Variants in TEP1 observed in about 807,000 individuals in gnomAD.
TEP1 encodes telomerase associated protein 1, also known as telomerase protein component 1.
TEP1 carries 241 observed loss-of-function variants against 306.3 expected under a neutral mutation model. That is an observed-to-expected ratio of 0.79 (90% CI 0.71 to 0.88). The LOEUF (loss-of-function observed/expected upper bound fraction) is 0.88, where lower values mean the gene tolerates loss of function less well. TEP1 is among the 40% of genes least tolerant of loss of function. The probability of loss-of-function intolerance (pLI) is 0.00; values close to 1 mark genes in which losing one functional copy is unlikely to be tolerated. For missense variants in TEP1, 3,051 were observed against 3,276.1 expected, an observed-to-expected ratio of 0.93 and a Z score of 1.68; for synonymous variants, 1,289 against 1,305.5, an observed-to-expected ratio of 0.99 and a Z score of 0.27.
chr14:20,396,516 A>C (rs1594362336), intron 10 of TEP1, 105 bp downstream of exon 10: 2 of 875,114 alleles, frequency 2.3e-6, no homozygotes, highest in Non-Finnish European at 3.5e-6. Context: ...TGAGGGCCGT[A>C]CCTGCCTCTG....
At chr14:20,400,497 C>CA (rs71108598) in intron 9 of TEP1, among the ~76,000 whole-genome samples, 902 of 85,108 alleles carry the variant, frequency 0.011, 3 homozygotes, top group Admixed American at 0.02. Context: ...AAAAGTAGAC[C>CA]AAAAAAAAAA....
Position 20,369,350 on chromosome 14 carries a change from A to C in TEP1, c.7650T>G (p.Arg2550=), listed in dbSNP as rs1302761270. Residue 2550 remains arginine, a synonymous_variant, in exon 53 of 55, where the codon CGT becomes CGG. Coordinates refer to ENST00000262715, the MANE Select transcript of TEP1 (RefSeq NM_007110.5). The stretch of plus-strand genomic sequence containing the variant: ...ACCCTTCCTTCAAACTCACCTTTCT[A>C]CGCTGCCGTGTCTTTAGATGTGGTG... ...EPTPHLKTRQ[R]RKIHSGSVTA... 6 of 1,613,756 alleles carry C rather than the reference A, an allele frequency of 3.7e-6. No individual in the cohort carries two copies. Among genetic ancestry groups the C allele is most frequent in the Non-Finnish European group, 5.1e-6 (6 of 1,179,974 alleles).
chr14:20,394,573 G>A (rs1002327045), intron 12 of TEP1, among the ~76,000 whole-genome samples: 33 of 143,724 alleles, frequency 2.3e-4, no homozygotes, highest in Admixed American at 5.2e-4. Flanking sequence ...TCCGCCTCCC[G>A]GGTTCAAGTG....
At chr14:20,378,713 G>A (rs879517347) in intron 37 of TEP1, 41 bp downstream of exon 37, 3 of 1,603,564 alleles carry the variant, frequency 1.9e-6, no homozygotes, top group South Asian at 1.1e-5. Context: ...GGTGAGTCAT[G>A]GCTCAGGGCC....
At chr14:20,373,607 C>G (rs1425956556) in intron 45 of TEP1, 24 bp from the exon 46 acceptor site, 1 of 1,614,150 alleles carries the variant, frequency 6.2e-7, no homozygotes, top group South Asian at 1.1e-5. Context: ...GAGACTGAGT[C>G]AGAAGAAGGG....
chr14:20,403,463 G>T lies in TEP1; in HGVS notation c.1195-15C>A. On this transcript the variant is annotated splice_polypyrimidine_tract_variant and intron_variant, in intron 6 of 54. Transcript: ENST00000262715. The stretch of plus-strand genomic sequence containing the variant: ...GGCTCCATCCCCTGTAGGGACAGGA[G>T]AAGCAATTTCAAAAAAAGGGAACTG... The T allele has an allele frequency of 6.2e-7, 1 of 1,614,012 alleles. No individual in the cohort carries two copies.
intron 10 of TEP1, 95 bp downstream of exon 10, chr14:20,396,526 G>T: frequency 9.9e-7 from 1 of 1,010,458 alleles, no homozygotes; most frequent in Non-Finnish European, 1.5e-6. Flanking sequence ...ACCTGCCTCT[G>T]CCCCCTGAAA....
intron 9 of TEP1, among the ~76,000 whole-genome samples, chr14:20,399,801 GT>G (rs1878520341): frequency 6.6e-6 from 1 of 152,024 alleles, no homozygotes; most frequent in Non-Finnish European, 1.5e-5. Context: ...AAATTTACAT[GT>G]CCTTACATTT....
chr14:20,406,140 C>T, intron 3 of TEP1, 93 bp downstream of exon 3: 1 of 1,309,690 alleles, frequency 7.6e-7, no homozygotes, highest in South Asian at 1.4e-5. Flanking sequence ...CTACCTTCCC[C>T]TTCCAACTGG....
In TEP1 at chr14:20,381,088, G is replaced by C. The variant is rs1352770961; in HGVS notation, c.4648-43C>G. Reference sequence around the variant, plus strand: ...AATTCATTAGGGATATGAAGGGGCTGGTGAGAAGGGACAGTTTAGTCTCAG... The same window carrying C: ...AATTCATTAGGGATATGAAGGGGCTCGTGAGAAGGGACAGTTTAGTCTCAG... On this transcript the variant is annotated intron_variant, in intron 32 of 54. Coordinates refer to ENST00000262715, the MANE Select transcript of TEP1 (RefSeq NM_007110.5). This position sits in a 1 kb window ranked among gnomAD's most constrained non-coding sequence, Gnocchi z 4.0. 4 of 1,507,274 alleles carry C rather than the reference G, an allele frequency of 2.7e-6. No individual in the cohort carries two copies. Among genetic ancestry groups the C allele is most frequent in the Admixed American group, 3.4e-5 (2 of 59,450 alleles). 93.4% of individuals were successfully genotyped at this position (1,507,274 alleles called of 1,614,324 possible).
In TEP1 at chr14:20,400,974, G is replaced by A; in HGVS notation, c.1549+10C>T. 1 of 1,613,454 alleles carries A rather than the reference G, an allele frequency of 6.2e-7. No individual in the cohort carries two copies. ...AGAAGGAGGGAATGTGATGGTCAAGGTCACTCTACCAATGAGTTCCTCCCA... is the reference window on the plus strand; with the variant it reads ...AGAAGGAGGGAATGTGATGGTCAAGATCACTCTACCAATGAGTTCCTCCCA... On this transcript the variant is annotated intron_variant, in intron 9 of 54. Coordinates refer to ENST00000262715, the MANE Select transcript of TEP1 (RefSeq NM_007110.5).
At chr14:20,398,676 T>C (rs1218886361) in intron 9 of TEP1, among the ~76,000 whole-genome samples, 1 of 152,036 alleles carries the variant, frequency 6.6e-6, no homozygotes, top group Admixed American at 6.6e-5. Context: ...TAGATAAAAG[T>C]AAACATAAAT....
At position 20,383,524 on chromosome 14, in the gene TEP1, C is replaced by T; in HGVS notation, c.3831G>A (p.Gln1277=). ...GADRLVDQNG[Q]LISDWIPKKL... ...TCTTTGGGATCCAGTCTGAAATCAGCTGCCCATTCTGGTCCACTAACCTAT... is the reference window on the plus strand; with the variant it reads ...TCTTTGGGATCCAGTCTGAAATCAGTTGCCCATTCTGGTCCACTAACCTAT... The change falls in exon 26 of 55, where the codon CAG becomes CAA. Residue 1277 remains glutamine, a synonymous_variant. Transcript: ENST00000262715. 2 of 1,614,252 alleles carry T rather than the reference C, an allele frequency of 1.2e-6. 1 individual carries two copies. Among genetic ancestry groups the T allele is most frequent in the South Asian group, 2.2e-5 (2 of 91,090 alleles).
At position 20,383,308 on chromosome 14, in the gene TEP1, C is replaced by T. The variant is rs779561066; in HGVS notation, c.3913G>A (p.Glu1305Lys). The change falls in exon 27 of 55, where the codon GAG becomes AAG. Residue 1305 changes from glutamate to lysine, a missense_variant. By Grantham distance (56) the Glu-to-Lys change is moderately conservative (BLOSUM62 1). Transcript: ENST00000262715. ...LSVSSDAGLG[E>K]TLEQSQGAHV... ...GCACCCTGGCTCTGCTCAAGGGTCT[C>T]CCCTAGGCCTGCATCACTAGACACA... 6.8e-6 allele frequency: 11 copies of T among 1,611,332 alleles called. No individual in the cohort carries two copies. The South Asian group carries it at 1.2e-4, about 18-fold the overall frequency.
chr14:20,395,746 C>G (rs548828788), intron 11 of TEP1, 113 bp downstream of exon 11: 45 of 1,483,788 alleles, frequency 3.0e-5, no homozygotes, highest in Admixed American at 7.3e-5. Flanking sequence ...CTCTGCCCCC[C>G]ACCCCGATAC....
chr14:20,369,420 G>A lies in TEP1; in HGVS notation c.7580C>T (p.Ser2527Phe), dbSNP rs1421693582. 3 of 1,613,928 alleles carry A rather than the reference G, an allele frequency of 1.9e-6. No homozygotes were observed. Among genetic ancestry groups the A allele is most frequent in the Non-Finnish European group, 2.5e-6 (3 of 1,179,968 alleles). Residue 2527 changes from serine (S) to phenylalanine (F), a missense_variant, in exon 53 of 55, where the codon TCT (serine) becomes TTT (phenylalanine). Physicochemically the swap from Ser to Phe is radical, Grantham distance 155. Transcript: ENST00000262715. ...GGCATCACTATCCATGCTGGCATCA[G>A]ATTCCCTGCAGGTAGATGGGTCTGT... ...PGTDPSTCRE[S>F]DASMDSDASM...
rs562662785 is a variant in TEP1 at position 20,382,178 on chromosome 14, G to A, written c.4273+46C>T. The A allele has an allele frequency of 5.5e-5, 89 of 1,613,488 alleles. 1 individual carries two copies. In the East Asian group the frequency reaches 1.5e-3, roughly 28 times the overall value. ...GACCCCAAGGGAACCAATGTAATCC[G>A]AACCCTGGCCCTCAGCCTCCCAACC... is the stretch of plus-strand genomic sequence containing the variant. On this transcript the variant is annotated intron_variant, in intron 29 of 54. Coordinates refer to ENST00000262715, the MANE Select transcript of TEP1 (RefSeq NM_007110.5).
In TEP1 at chr14:20,367,396, T is replaced by G. The variant is rs1884535664; in HGVS notation, c.*1041A>C. The G allele has an allele frequency of 6.6e-6, 1 of 151,822 alleles. No homozygotes were observed. Among genetic ancestry groups the G allele is most frequent in the Non-Finnish European group, 1.5e-5 (1 of 67,990 alleles). 9.4% of individuals were successfully genotyped at this position (151,822 alleles called of 1,614,324 possible). A position where few individuals can be genotyped will look rare whatever the true frequency, so the allele number is the denominator to read the frequency against. On this transcript the variant is annotated 3_prime_UTR_variant, in exon 55 of 55. Transcript: ENST00000262715. ...AAAAAAAAAAAAAAGGTTTTTTACT[T>G]AAGAAAATCAGAGTTCATGGCTATG...
At position 20,379,968 on chromosome 14, in the gene TEP1, T is replaced by G; in HGVS notation, c.5089A>C (p.Asn1697His). ...AGGTCCAACAGGTAAACTGTCCCAT[T>G]GGCAGTGCCCACAGCTGCTCTTTGC... ...NGQRAAVGTA[N>H]GTVYLLDLRT... Residue 1697 changes from asparagine to histidine, a missense_variant, in exon 35 of 55, where the codon AAT becomes CAT. Physicochemically the swap from Asn to His is moderately conservative, Grantham distance 68. Transcript: ENST00000262715. 6.2e-7 allele frequency: 1 copy of G among 1,614,068 alleles called. No homozygotes were observed. The highest frequency in any genetic ancestry group is 8.5e-7 in the Non-Finnish European group (1 of 1,179,998).
Sources: allele counts gnomAD v4.1 joint callset (sites outside exome capture counted in the v4.1 genomes callset), GRCh38; gene constraint gnomAD v4.1.1; non-coding constraint Gnocchi (gnomAD v3.1); transcripts MANE v1.5; gene names NCBI Gene and HGNC (gene_info 2026-07-23, HGNC 2026-07-21).